The following FBXL22 variants were observed in gnomAD, a reference collection of about 807,000 sequenced individuals.
The protein encoded by FBXL22 is F-box and leucine-rich protein 22.
FBXL22 carries 13 observed loss-of-function variants against 11.7 expected under a neutral mutation model. The observed-to-expected ratio is 1.11, with a 90% CI of 0.73 to 1.77. FBXL22 has a LOEUF of 1.77. Among genes scored for constraint, FBXL22 ranks in the 40% most tolerant of loss-of-function variants. The pLI, the probability that FBXL22 is intolerant of heterozygous loss-of-function variation, is 0.00. For missense variants in FBXL22, 406 were observed against 320.4 expected (o/e 1.27, Z -2.04); for synonymous variants, 160 against 144.1 (o/e 1.11, Z -0.79).
rs2152688042 is a variant in FBXL22 at position 63,597,977 on chromosome 15, A to G, written c.353+232A>G. On this transcript the variant is annotated intron_variant, in intron 1 of 1. Coordinates refer to ENST00000638704, the MANE Select transcript of FBXL22 (RefSeq NM_001367807.1). This position sits in a 1 kb window ranked among gnomAD's most constrained non-coding sequence, Gnocchi z 4.3. ...AGCCTCACAGGTCCTGGGCTGCTTC[A>G]TGCAAACACCAAGAAGTGGGGCCTC... is the stretch of plus-strand genomic sequence containing the variant. Among the ~76,000 whole-genome samples the G allele has an allele frequency of 6.6e-6, 1 of 152,306 alleles. No individual in the cohort carries two copies.
intron 1 of FBXL22, 141 bp from the exon 2 acceptor site, chr15:63,600,556 C>CCCTG (rs1295996432): frequency 8.1e-7 from 1 of 1,229,514 alleles, no homozygotes; most frequent in Non-Finnish European, 1.0e-6. Context: ...CGACTTGGAA[C>CCCTG]CCTGCAGTGT....
Position 63,599,247 on chromosome 15 carries a change from C to T in FBXL22, c.354-1450C>T, listed in dbSNP as rs1414569509. On this transcript the variant is annotated intron_variant, in intron 1 of 1. Transcript: ENST00000638704. ...GGTTCTTCTGGCACTCAGCTCAGGT[C>T]GGGAGGAATGGCTGAGGATGGCTGG... 3.3e-6 allele frequency: 5 copies of T among 1,531,474 alleles called. No homozygotes were observed. The East Asian group carries it at 7.3e-5, about 22-fold the overall frequency. 94.9% of individuals were successfully genotyped at this position (1,531,474 alleles called of 1,614,324 possible). A position where few individuals can be genotyped will look rare whatever the true frequency, so the allele number is the denominator to read the frequency against.
chr15:63,605,384 G>A (rs2067408241), downstream of FBXL22, among the ~76,000 whole-genome samples: 1 of 152,160 alleles, frequency 6.6e-6, no homozygotes, highest in Non-Finnish European at 1.5e-5. Context: ...GATAGGGGGA[G>A]GTATCCTCAT....
chr15:63,599,866 C>CA, intron 1 of FBXL22: 1 of 985,758 alleles, frequency 1.0e-6, no homozygotes, highest in Non-Finnish European at 1.2e-6. Flanking sequence ...GGCCCCGTTG[C>CA]AGGCTCCTCA....
chr15:63,600,945 C>G lies in FBXL22; in HGVS notation c.602C>G (p.Ala201Gly). The change falls in exon 2 of 2, where the codon GCC (alanine) becomes GGC (glycine). Residue 201 changes from alanine to glycine, a missense_variant. By Grantham distance (60) the Ala-to-Gly change is moderately conservative. Transcript: ENST00000638704. ...RRLRAACPRL[A>G]LRAEHSAAML... ...CTGCGCGCCGCGTGCCCGCGCCTGGCCCTGCGGGCAGAGCACAGCGCCGCC... is the reference window on the plus strand; with the variant it reads ...CTGCGCGCCGCGTGCCCGCGCCTGGGCCTGCGGGCAGAGCACAGCGCCGCC... 5.8e-6 allele frequency: 7 copies of G among 1,200,152 alleles called. No homozygotes were observed. Among genetic ancestry groups the G allele is most frequent in the Non-Finnish European group, 7.2e-6 (7 of 967,646 alleles). The allele number at this position is 1,200,152 out of a possible 1,614,324, so 74.3% of individuals were successfully genotyped here.
rs2067358227 is a variant in FBXL22, at chr15:63,600,835, G to T, written c.492G>T (p.Leu164Phe). 1.4e-5 allele frequency: 17 copies of T among 1,230,386 alleles called. No homozygotes were observed. Among genetic ancestry groups the T allele is most frequent in the African/African-American group, 1.6e-5 (1 of 64,326 alleles). The allele number at this position is 1,230,386 out of a possible 1,614,324, so 76.2% of individuals were successfully genotyped here. Residue 164 changes from leucine (L) to phenylalanine (F), a missense_variant, in exon 2 of 2, where the codon TTG becomes TTT. Leu to Phe is a conservative substitution (Grantham distance 22, BLOSUM62 0). Transcript: ENST00000638704. ...ENCARVTNRT[L>F]AAVAADGRAL... The stretch of plus-strand genomic sequence containing the variant: ...GCGCGCGCGTCACCAACCGCACGTT[G>T]GCTGCCGTGGCGGCGGACGGGCGCG...
At chr15:63,608,216 AG>A in the FBXL22 span, among the ~76,000 whole-genome samples, 3 of 152,230 alleles carry the variant, frequency 2.0e-5, no homozygotes, top group Middle Eastern at 3.4e-3. Flanking sequence ...TTGTCTTTGT[AG>A]GTTCTTCATA....
At chr15:63,606,273 C>T (rs577002809), downstream of FBXL22, among the ~76,000 whole-genome samples, 21 of 152,328 alleles carry the variant, frequency 1.4e-4, no homozygotes, top group Middle Eastern at 3.4e-3. Context: ...GGGCTTCATC[C>T]GGCCAGAAGT....
At chr15:63,601,297 C>T (rs748306299), downstream of FBXL22, 2 of 1,582,984 alleles carry the variant, frequency 1.3e-6, no homozygotes, top group Non-Finnish European at 1.7e-6. Context: ...CCGCCCCAGG[C>T]TTTCTGCTGT....
intron 1 of FBXL22, chr15:63,600,435 C>G: frequency 8.3e-7 from 1 of 1,201,296 alleles, no homozygotes; most frequent in Non-Finnish European, 1.0e-6. Context: ...GGGCCGGGGT[C>G]GGGGCTTCCC....
downstream of FBXL22, among the ~76,000 whole-genome samples, chr15:63,603,105 G>A (rs1360887357): frequency 2.6e-5 from 4 of 152,104 alleles, 1 homozygote; most frequent in Admixed American, 2.6e-4. Context: ...AGAAGTTTCA[G>A]TGGCTAATCT....
chr15:63,600,515 A>C, intron 1 of FBXL22, 182 bp from the exon 2 acceptor site: 1 of 1,228,032 alleles, frequency 8.1e-7, no homozygotes, highest in Non-Finnish European at 1.0e-6. Flanking sequence ...CAGGGGCAGA[A>C]AGAGGAGGGA....
Position 63,600,917 on chromosome 15 carries a change from CGCCTGCGCGCCGCGTGCCCGCGCCTGG to C in FBXL22, c.575_601del (p.Arg192_Ala201delinsPro). ...CAACGTGAGCGCGGCCGGCCTGCGC[CGCCTGCGCGCCGCGTGCCCGCGCCTGG>C]CCCTGCGGGCAGAGCACAGCGCCGC... On this transcript the variant is annotated inframe_deletion, in exon 2 of 2. Transcript: ENST00000638704. 1 of 1,214,190 alleles carries C rather than the reference CGCCTGCGCGCCGCGTGCCCGCGCCTGG, an allele frequency of 8.2e-7. No individual in the cohort carries two copies. The highest frequency in any genetic ancestry group is 4.1e-5 in the South Asian group (1 of 24,220). 75.2% of individuals were successfully genotyped at this position (1,214,190 alleles called of 1,614,324 possible).
downstream of FBXL22, among the ~76,000 whole-genome samples, chr15:63,606,240 T>G (rs2067412321): frequency 6.6e-6 from 1 of 152,154 alleles, no homozygotes; most frequent in African/African-American, 2.4e-5. Context: ...TGCTTTTGGC[T>G]AAAAACCAAG....
chr15:63,599,275 A>AG, intron 1 of FBXL22: 2 of 1,515,156 alleles, frequency 1.3e-6, no homozygotes, highest in Non-Finnish European at 1.8e-6. Context: ...ATGGCTGGGC[A>AG]GGGGGACAGT....
intron 1 of FBXL22, chr15:63,600,366 A>T: frequency 9.0e-7 from 1 of 1,108,650 alleles, no homozygotes; most frequent in East Asian, 4.9e-5. Context: ...CAAAGAGTCA[A>T]GGGTTGTGGC....
downstream of FBXL22, among the ~76,000 whole-genome samples, chr15:63,606,557 CAA>C (rs2067413831): frequency 6.6e-6 from 1 of 152,068 alleles, no homozygotes; most frequent in Non-Finnish European, 1.5e-5. Flanking sequence ...CCAGAGTTTT[CAA>C]AAAGTCAAGA....
At position 63,600,911 on chromosome 15, in the gene FBXL22, C is replaced by G; in HGVS notation, c.568C>G (p.Leu190Val). 8.2e-7 allele frequency: 1 copy of G among 1,215,936 alleles called. No homozygotes were observed. Among genetic ancestry groups the G allele is most frequent in the Non-Finnish European group, 1.0e-6 (1 of 977,716 alleles). The allele number at this position is 1,215,936 out of a possible 1,614,324, so 75.3% of individuals were successfully genotyped here. Residue 190 changes from leucine (L) to valine (V), a missense_variant, in exon 2 of 2, where the codon CTG becomes GTG. Coordinates refer to ENST00000638704, the MANE Select transcript of FBXL22 (RefSeq NM_001367807.1). ...DFCRNVSAAG[L>V]RRLRAACPRL... ...CTGCCGCAACGTGAGCGCGGCCGGC[C>G]TGCGCCGCCTGCGCGCCGCGTGCCC... is the stretch of plus-strand genomic sequence containing the variant.
Position 63,597,412 on chromosome 15 carries a change from T to C in FBXL22, c.20T>C (p.Met7Thr), listed in dbSNP as rs373759963. 4 of 1,611,110 alleles carry C rather than the reference T, an allele frequency of 2.5e-6. No individual in the cohort carries two copies. In the African/African-American group the frequency reaches 4.0e-5, roughly 16 times the overall value. The change falls in exon 1 of 2, where the codon ATG (methionine) becomes ACG (threonine). Residue 7 changes from methionine to threonine, a missense_variant. Met to Thr is a moderately conservative substitution (Grantham distance 81). Transcript: ENST00000638704. The surrounding 1 kb of genome is among the most constrained non-coding windows in gnomAD (Gnocchi z 4.3). MWPLLT[M>T]HITQLNRECL... ...ACTCACATGTGGCCACTGCTCACCA[T>C]GCACATAACCCAGCTCAACCGGGAG... is the stretch of plus-strand genomic sequence containing the variant.
Sources: gnomAD v4.1 joint callset for allele counts (sites outside exome capture counted in the v4.1 genomes callset) on GRCh38, gnomAD v4.1.1 for gene constraint, Gnocchi (gnomAD v3.1) non-coding constraint, MANE v1.5 for transcripts, NCBI Gene and HGNC (gene_info 2026-07-23, HGNC 2026-07-21) for gene names.